The following CDH13 variants were observed in gnomAD, a reference collection of about 807,000 sequenced individuals.
CDH13 encodes cadherin-13.
In CDH13, 24 loss-of-function variants were observed where a neutral mutation model predicts 63.8. The ratio of observed to expected loss-of-function variants is 0.38; its 90% CI spans 0.27 to 0.53. The LOEUF is 0.53. CDH13 is among the 20% of genes least tolerant of loss of function. The probability of loss-of-function intolerance (pLI) is 0.85; values close to 1 mark genes in which losing one functional copy is unlikely to be tolerated. For missense variants in CDH13, 1,049 were observed against 903.1 expected (o/e 1.16, Z -2.07); for synonymous variants, 503 against 355.3 (o/e 1.42, Z -4.67).
At chr16:82,904,939 A>G (rs1453379950) in intron 2 of CDH13, among the ~76,000 whole-genome samples, 1 of 152,106 alleles carries the variant, frequency 6.6e-6, no homozygotes, top group Non-Finnish European at 1.5e-5. Context: ...GTTTCTCCCT[A>G]AATGAACCCA....
chr16:83,362,329 G>T (rs1195082569), intron 6 of CDH13, among the ~76,000 whole-genome samples: 3 of 152,188 alleles, frequency 2.0e-5, no homozygotes, highest in Non-Finnish European at 4.4e-5. Flanking sequence ...TGTATGAGCT[G>T]TAATGAAAGA....
Position 82,701,467 on chromosome 16 carries a change from C to T in CDH13, c.45+74330C>T, listed in dbSNP as rs7192282. ...GCAAGTGATAGAAACCTACTCCAGA[C>T]TAGCTTTCAGGGAAAAGAAAGGAGG... On this transcript the variant is annotated intron_variant, in intron 1 of 13. Transcript: ENST00000567109. Among the ~76,000 whole-genome samples the T allele has an allele frequency of 6.9e-3, 1,047 of 152,286 alleles. 16 individuals carry two copies. The highest frequency in any genetic ancestry group is 0.023 in the African/African-American group (949 of 41,556).
chr16:82,990,370 A>G (rs946081632), intron 2 of CDH13: 1 of 152,172 alleles, frequency 6.6e-6, no homozygotes, highest in Non-Finnish European at 1.5e-5. Flanking sequence ...GTTCCCACTC[A>G]TCTTGGCCTA....
At chr16:83,090,286 C>A (rs764770802) in intron 3 of CDH13, among the ~76,000 whole-genome samples, 1 of 152,038 alleles carries the variant, frequency 6.6e-6, no homozygotes, top group Non-Finnish European at 1.5e-5. Flanking sequence ...CCAAGCCATT[C>A]GTTTGTGGGC....
At chr16:83,057,964 T>C (rs529871102) in intron 3 of CDH13, among the ~76,000 whole-genome samples, 6 of 152,326 alleles carry the variant, frequency 3.9e-5, no homozygotes, top group Admixed American at 3.3e-4. Context: ...TTACAAATGA[T>C]ATTTTTTAAA....
intron 4 of CDH13, among the ~76,000 whole-genome samples, chr16:83,204,598 G>C (rs1436243648): frequency 6.6e-6 from 1 of 152,154 alleles, no homozygotes; most frequent in Non-Finnish European, 1.5e-5. Flanking sequence ...AGTCCACGTT[G>C]TCCGTGAGCC....
intron 11 of CDH13, among the ~76,000 whole-genome samples, chr16:83,779,322 G>T (rs548780011): frequency 7.1e-6 from 1 of 139,972 alleles, no homozygotes; most frequent in African/African-American, 2.7e-5. Context: ...CAGGGGAATC[G>T]CTTGAACCCG....
intron 5 of CDH13, among the ~76,000 whole-genome samples, chr16:83,261,396 G>A (rs1906973397): frequency 6.6e-6 from 1 of 152,130 alleles, no homozygotes; most frequent in African/African-American, 2.4e-5. Flanking sequence ...TGAATTTTTG[G>A]TTGTCACAGC....
chr16:83,023,794 C>T (rs62037241), intron 2 of CDH13, among the ~76,000 whole-genome samples: 17,127 of 152,154 alleles, frequency 0.11, 1,312 homozygotes, highest in South Asian at 0.19. Flanking sequence ...TCATCACATG[C>T]ACCCTTTAAT....
chr16:82,901,356 GTGTGTGTGTGTC>G (rs1249524265), intron 2 of CDH13, among the ~76,000 whole-genome samples: 4 of 150,234 alleles, frequency 2.7e-5, no homozygotes, highest in Middle Eastern at 6.9e-3. Flanking sequence ...GTGTGTGTGT[GTGTGTGTGTGTC>G]TGATGATTGG....
intron 7 of CDH13, among the ~76,000 whole-genome samples, chr16:83,576,227 T>C (rs755721944): frequency 6.6e-6 from 1 of 152,240 alleles, no homozygotes; most frequent in Non-Finnish European, 1.5e-5. Context: ...ATTTATCCAT[T>C]CTGGACCTTC....
intron 2 of CDH13, among the ~76,000 whole-genome samples, chr16:82,866,430 C>A (rs1465440511): frequency 8.5e-6 from 1 of 117,048 alleles, no homozygotes; most frequent in Non-Finnish European, 1.6e-5. Flanking sequence ...ACTTTGTCGC[C>A]CAGGCTGGAG....
chr16:82,748,455 A>T (rs2034275853), intron 1 of CDH13, among the ~76,000 whole-genome samples: 1 of 152,218 alleles, frequency 6.6e-6, no homozygotes, highest in Non-Finnish European at 1.5e-5. Context: ...TGGTAGTGTC[A>T]TCAGCAGAAA....
chr16:82,916,261 C>A (rs574765540), intron 2 of CDH13, among the ~76,000 whole-genome samples: 1 of 152,060 alleles, frequency 6.6e-6, no homozygotes, highest in African/African-American at 2.4e-5. Context: ...GTGAGAGATT[C>A]GTGTAAAATG....
At chr16:83,427,986 C>T (rs1181445721) in intron 6 of CDH13, among the ~76,000 whole-genome samples, 1 of 152,234 alleles carries the variant, frequency 6.6e-6, no homozygotes. Context: ...TGATCTGTAG[C>T]TGATCCTCTG....
intron 1 of CDH13, among the ~76,000 whole-genome samples, chr16:82,778,651 T>C (rs76119791): frequency 0.044 from 6,664 of 150,432 alleles, 217 homozygotes; most frequent in Non-Finnish European, 0.07. Flanking sequence ...GCCAGGGAGA[T>C]ATCTCCTTCC....
intron 3 of CDH13, among the ~76,000 whole-genome samples, chr16:83,100,399 C>A (rs919810388): frequency 1.3e-5 from 2 of 152,150 alleles, no homozygotes; most frequent in Admixed American, 6.5e-5. Context: ...TTATCTCACC[C>A]ATTTCAGAAG....
chr16:83,674,336 C>T (rs1015110634), intron 9 of CDH13, among the ~76,000 whole-genome samples: 1 of 152,190 alleles, frequency 6.6e-6, no homozygotes, highest in Non-Finnish European at 1.5e-5. Flanking sequence ...AAGCCCCAGG[C>T]ATCATATCTT....
At chr16:83,321,189 C>G (rs1431785348) in intron 5 of CDH13, among the ~76,000 whole-genome samples, 2 of 152,194 alleles carry the variant, frequency 1.3e-5, no homozygotes, top group Admixed American at 6.5e-5. Flanking sequence ...ACATCAATCT[C>G]TTGTGAAACA....
Sources: allele counts gnomAD v4.1 joint callset (sites outside exome capture counted in the v4.1 genomes callset), GRCh38; gene constraint gnomAD v4.1.1; transcripts MANE v1.5; gene names NCBI Gene and HGNC (gene_info 2026-07-23, HGNC 2026-07-21).